The following CFAP221 variants were observed in gnomAD, a reference collection of about 807,000 sequenced individuals.
The protein encoded by CFAP221 is cilia- and flagella-associated protein 221.
A neutral mutation model predicts 113.1 loss-of-function variants in CFAP221; 97 were observed. The observed-to-expected ratio is 0.86, with a 90% CI of 0.73 to 1.02. The LOEUF (loss-of-function observed/expected upper bound fraction) is 1.02, where lower values mean the gene tolerates loss of function less well. Ranked by LOEUF, CFAP221 falls within the 50% of genes least tolerant of loss-of-function variation. The pLI is 0.00. For synonymous variants in CFAP221, 331 were observed against 354.4 expected (o/e 0.93, Z 0.74); for missense variants, 1,025 against 1,013.4 (o/e 1.01, Z -0.16).
chr2:119,589,655 T>G (rs1016460722), intron 7 of CFAP221: 3 of 152,200 alleles, frequency 2.0e-5, no homozygotes. Flanking sequence ...ATGCTGAAGT[T>G]TGCCAAATGA....
At chr2:119,634,762 A>T (rs192409423) in intron 19 of CFAP221, among the ~76,000 whole-genome samples, 52 of 152,344 alleles carry the variant, frequency 3.4e-4, no homozygotes, top group African/African-American at 1.1e-3. Flanking sequence ...TGAGATATTG[A>T]TAATAGCCAG....
At chr2:119,557,974 A>G (rs1010532019) in intron 3 of CFAP221, among the ~76,000 whole-genome samples, 24 of 152,106 alleles carry the variant, frequency 1.6e-4, no homozygotes, top group Middle Eastern at 3.4e-3. Context: ...AAAAAAAAAA[A>G]AAAGCACCCC....
At chr2:119,622,348 C>A (rs1685991431) in intron 14 of CFAP221, among the ~76,000 whole-genome samples, 1 of 152,140 alleles carries the variant, frequency 6.6e-6, no homozygotes, top group South Asian at 2.1e-4. Flanking sequence ...AGACCAATAA[C>A]AAGTTCTGAA....
At chr2:119,659,751 C>G (rs115280123), downstream of CFAP221, among the ~76,000 whole-genome samples, 3 of 152,202 alleles carry the variant, frequency 2.0e-5, no homozygotes, top group Non-Finnish European at 4.4e-5. Flanking sequence ...CATGCTATTC[C>G]CTATGACCTC....
chr2:119,623,587 T>C (rs1686088480), intron 14 of CFAP221, among the ~76,000 whole-genome samples: 1 of 152,196 alleles, frequency 6.6e-6, no homozygotes, highest in African/African-American at 2.4e-5. Flanking sequence ...AGAACAAAGC[T>C]GGAGGCATCA....
intron 7 of CFAP221, among the ~76,000 whole-genome samples, chr2:119,594,654 A>G (rs1336196166): frequency 6.6e-6 from 1 of 152,112 alleles, no homozygotes; most frequent in East Asian, 1.9e-4. Context: ...TCTATTCAGC[A>G]CTCTACTCAA....
In CFAP221 at chr2:119,628,292, G is replaced by GTGTGTGT. The variant is rs1553491021; in HGVS notation, c.1650+506_1650+507insTGTGTGT. Among the ~76,000 whole-genome samples, 4 of 12,068 alleles carry GTGTGTGT rather than the reference G, an allele frequency of 3.3e-4. No homozygotes were observed. In the Admixed American group the frequency reaches 3.5e-3, roughly 11 times the overall value. The allele number at this position is 12,068 out of a possible 152,430, so 7.9% of individuals were successfully genotyped here. A position where few individuals can be genotyped will look rare whatever the true frequency, so the allele number is the denominator to read the frequency against. On this transcript the variant is annotated intron_variant, in intron 16 of 23. Transcript: ENST00000413369. ...CACTTCTCTCTCTCTCTCTCTCTGG[G>GTGTGTGT]GGGTGTGTGTGTGTGTGTGTGTGTG...
chr2:119,594,833 C>T (rs1418117401), intron 7 of CFAP221, among the ~76,000 whole-genome samples: 1 of 152,204 alleles, frequency 6.6e-6, no homozygotes, highest in Non-Finnish European at 1.5e-5. Context: ...ATTCTGTCCA[C>T]TTTGCTGATG....
At chr2:119,576,222 G>A (rs949536393) in intron 6 of CFAP221, among the ~76,000 whole-genome samples, 1 of 152,156 alleles carries the variant, frequency 6.6e-6, no homozygotes, top group East Asian at 1.9e-4. Flanking sequence ...TAGGTTCGGG[G>A]ATACATGCAC....
intron 14 of CFAP221, among the ~76,000 whole-genome samples, chr2:119,618,184 G>A (rs1685653586): frequency 6.6e-6 from 1 of 152,168 alleles, no homozygotes; most frequent in South Asian, 2.1e-4. Context: ...TCAGCTCCTT[G>A]TGGGCAGGAC....
chr2:119,604,263 G>C (rs112956332), intron 8 of CFAP221, among the ~76,000 whole-genome samples: 99 of 151,948 alleles, frequency 6.5e-4, no homozygotes, highest in African/African-American at 2.2e-3. Context: ...GTGAAACCCC[G>C]TCTCTACTAA....
In CFAP221 at chr2:119,546,237, A is replaced by G. The variant is rs1178862238; in HGVS notation, c.106A>G (p.Arg36Gly). Reference sequence around the variant, plus strand: ...GAACCTAGTGGAGGAGCCGAAAAAAAGAAAAGAAGTACCTAATCACCTCCT... The same window carrying G: ...GAACCTAGTGGAGGAGCCGAAAAAAGGAAAAGAAGTACCTAATCACCTCCT... The part of the protein sequence containing the change: ...LKNLVEEPKK[R>G]KEVPNHLLES... The change falls in exon 2 of 24, where the codon AGA (arginine) becomes GGA (glycine). Residue 36 changes from arginine to glycine, a missense_variant. Coordinates refer to ENST00000413369, the MANE Select transcript of CFAP221 (RefSeq NM_001271049.2). 1.0e-5 allele frequency: 16 copies of G among 1,535,734 alleles called. No individual in the cohort carries two copies. The highest frequency in any genetic ancestry group is 1.4e-5 in the Non-Finnish European group (16 of 1,146,790).
intron 8 of CFAP221, chr2:119,602,900 G>GGTGCTTCTGTC: frequency 2.2e-6 from 1 of 458,262 alleles, no homozygotes; most frequent in Non-Finnish European, 2.9e-6. Flanking sequence ...AGCATTGTAT[G>GGTGCTTCTGTC]ACAGAAGCAC....
At chr2:119,550,741 A>AGT (rs900739593) in intron 3 of CFAP221, among the ~76,000 whole-genome samples, 2 of 152,188 alleles carry the variant, frequency 1.3e-5, no homozygotes, top group Admixed American at 6.5e-5. Context: ...TGCTTTATTG[A>AGT]GTGATCATTT....
intron 8 of CFAP221, among the ~76,000 whole-genome samples, chr2:119,603,746 G>A (rs1463161216): frequency 1.3e-5 from 2 of 152,144 alleles, no homozygotes; most frequent in East Asian, 1.9e-4. Flanking sequence ...TTTCAAAATC[G>A]TAACTTTGCC....
chr2:119,604,774 G>A lies in CFAP221; in HGVS notation c.894G>A (p.Pro298=), dbSNP rs768906934. 7.1e-6 allele frequency: 11 copies of A among 1,544,134 alleles called. No individual in the cohort carries two copies. Among genetic ancestry groups the A allele is most frequent in the South Asian group, 1.3e-5 (1 of 79,866 alleles). The change falls in exon 9 of 24, where the codon CCG becomes CCA. Residue 298 remains proline (P), a synonymous_variant. Coordinates refer to ENST00000413369, the MANE Select transcript of CFAP221 (RefSeq NM_001271049.2). ...ATTTTCACCGACCGCCAGCGAAGCC[G>A]AAGCCTCAGAAGGTGAAGGTACGGT... ...HINFHRPPAK[P]KPQKVKEIEY...
intron 19 of CFAP221, among the ~76,000 whole-genome samples, chr2:119,632,499 G>T (rs1686841026): frequency 6.6e-6 from 1 of 152,002 alleles, no homozygotes; most frequent in Admixed American, 6.6e-5. Context: ...CCAAATAATG[G>T]TCATCTATTT....
At position 119,593,855 on chromosome 2, in the gene CFAP221, AAAC is replaced by A. The variant is rs199817113; in HGVS notation, c.631+6645_631+6647del. Reference sequence around the variant, plus strand: ...TCAGTCTCAAAAAAAAAACAAAACGAAACAACAACAACAAAAAAAACCCCACCA... The same window carrying A: ...TCAGTCTCAAAAAAAAAACAAAACGAAACAACAACAAAAAAAACCCCACCA... On this transcript the variant is annotated intron_variant, in intron 7 of 23. Coordinates refer to ENST00000413369, the MANE Select transcript of CFAP221 (RefSeq NM_001271049.2). Among the ~76,000 whole-genome samples the A allele has an allele frequency of 3.1e-3, 475 of 151,738 alleles. 6 individuals are homozygous for A. The highest frequency in any genetic ancestry group is 0.027 in the Admixed American group (418 of 15,252).
At chr2:119,604,841 G>A (rs1684620492) in intron 9 of CFAP221, 35 bp from the exon 10 acceptor site, 5 of 1,611,390 alleles carry the variant, frequency 3.1e-6, no homozygotes, top group Admixed American at 3.3e-5. Context: ...CAGAGGGGCA[G>A]ACTAACTGAT....
Sources: gnomAD v4.1 joint callset for allele counts (sites outside exome capture counted in the v4.1 genomes callset) on GRCh38, gnomAD v4.1.1 for gene constraint, MANE v1.5 for transcripts, NCBI Gene and HGNC (gene_info 2026-07-23, HGNC 2026-07-21) for gene names.